The following ABLIM2 variants were observed in gnomAD, a reference collection of about 807,000 sequenced individuals.
ABLIM2 encodes the protein actin binding LIM protein family member 2.
In ABLIM2, 53 loss-of-function variants were observed where a neutral mutation model predicts 97.7. The observed-to-expected ratio is 0.54, with a 90% CI of 0.44 to 0.68. The LOEUF is 0.68. Ranked by LOEUF, ABLIM2 falls within the 30% of genes least tolerant of loss-of-function variation. The pLI, the probability that ABLIM2 is intolerant of heterozygous loss-of-function variation, is 0.00. For synonymous variants in ABLIM2, 361 were observed against 345.8 expected, an observed-to-expected ratio of 1.04 and a Z score of -0.49; for missense variants, 835 against 867.2, an observed-to-expected ratio of 0.96 and a Z score of 0.47.
At chr4:8,110,346 C>A (rs1219279955) in intron 1 of ABLIM2, among the ~76,000 whole-genome samples, 1 of 152,194 alleles carries the variant, frequency 6.6e-6, no homozygotes, top group Non-Finnish European at 1.5e-5. Context: ...TCCCGGGGGA[C>A]AGCGCGGGTG....
rs1189299218 is a variant in ABLIM2 at position 8,112,725 on chromosome 4, T to C, written c.11-6088A>G. Among the ~76,000 whole-genome samples, 2 of 152,192 alleles carry C rather than the reference T, an allele frequency of 1.3e-5. No individual in the cohort carries two copies. Among genetic ancestry groups the C allele is most frequent in the Admixed American group, 6.5e-5 (1 of 15,284 alleles). ...CCTCGACATTCTCTTGTTTGTTCCA[T>C]ACCATGCCCCACAGGAATGGTCAGT... is the stretch of plus-strand genomic sequence containing the variant. On this transcript the variant is annotated intron_variant, in intron 1 of 20. Coordinates refer to ENST00000447017, the MANE Select transcript of ABLIM2 (RefSeq NM_001130083.2). This position sits in a 1 kb window ranked among gnomAD's most constrained non-coding sequence, Gnocchi z 4.2.
chr4:8,007,609 C>G lies in ABLIM2; in HGVS notation c.1618+450G>C, dbSNP rs1762268652. ...ACACCATCACTGTCTCTCTATGAAG[C>G]CTGAGGCTGTGCCTCGTTCAGGATG... On this transcript the variant is annotated intron_variant, in intron 16 of 20. Coordinates refer to ENST00000447017, the MANE Select transcript of ABLIM2 (RefSeq NM_001130083.2). 6.1e-6 allele frequency: 6 copies of G among 990,584 alleles called. No individual in the cohort carries two copies. In the Admixed American group the frequency reaches 2.4e-4, roughly 40 times the overall value. The allele number at this position is 990,584 out of a possible 1,614,324, so 61.4% of individuals were successfully genotyped here.
chr4:8,155,530 G>A lies in ABLIM2; in HGVS notation c.10+3150C>T, dbSNP rs575626931. ...CCTAAGAGCAGCATGGAAACAGAAG[G>A]CTGAGCCAGCCACAAGGCCGCCCTT... On this transcript the variant is annotated intron_variant, in intron 1 of 20. Transcript: ENST00000447017. The surrounding 1 kb of genome is among the most constrained non-coding windows in gnomAD (Gnocchi z 4.2). Among the ~76,000 whole-genome samples the A allele has an allele frequency of 3.5e-3, 528 of 152,230 alleles. 1 individual carries two copies. Among genetic ancestry groups the A allele is most frequent in the African/African-American group, 0.012 (499 of 41,526 alleles).
At position 8,069,205 on chromosome 4, in the gene ABLIM2, C is replaced by T. The variant is rs532883562; in HGVS notation, c.676-8151G>A. Among the ~76,000 whole-genome samples the T allele has an allele frequency of 1.3e-4, 20 of 152,388 alleles. No individual in the cohort carries two copies. In the South Asian group the frequency reaches 4.1e-3, roughly 32 times the overall value. On this transcript the variant is annotated intron_variant, in intron 6 of 20. Transcript: ENST00000447017. The surrounding 1 kb of genome is among the most constrained non-coding windows in gnomAD (Gnocchi z 4.2). ...CCCAGCGGCCTCATTCTCTGCTGTA[C>T]CCCGGCGTCCCCTCCAGCAGTGGCA...
At chr4:8,089,934 G>C (rs1235662496) in intron 3 of ABLIM2, among the ~76,000 whole-genome samples, 1 of 152,174 alleles carries the variant, frequency 6.6e-6, no homozygotes, top group Non-Finnish European at 1.5e-5. Flanking sequence ...GGGCCTGCCA[G>C]ATGGAGCTCC....
At chr4:8,070,954 T>C (rs543641523) in intron 6 of ABLIM2, among the ~76,000 whole-genome samples, 55 of 152,134 alleles carry the variant, frequency 3.6e-4, no homozygotes, top group Non-Finnish European at 7.5e-4. Context: ...AGGGTGGGGC[T>C]GGAAACAGGC....
chr4:7,970,043 T>C lies in ABLIM2; in HGVS notation c.1825-2940A>G, dbSNP rs115699126. On this transcript the variant is annotated intron_variant, in intron 20 of 20. Transcript: ENST00000447017. This position sits in a 1 kb window ranked among gnomAD's most constrained non-coding sequence, Gnocchi z 5.3. Reference sequence around the variant, plus strand: ...TACAAAATCACCATCTTCTGAATTATGGTGGAACAATCAAGACGGATGAGA... The same window carrying C: ...TACAAAATCACCATCTTCTGAATTACGGTGGAACAATCAAGACGGATGAGA... 4.0e-3 allele frequency among the ~76,000 whole-genome samples: 606 copies of C among 152,248 alleles called. 3 individuals carry two copies. Among genetic ancestry groups the C allele is most frequent in the African/African-American group, 0.014 (562 of 41,568 alleles).
chr4:8,109,940 G>T (rs1006195828), intron 1 of ABLIM2, among the ~76,000 whole-genome samples: 1 of 152,218 alleles, frequency 6.6e-6, no homozygotes, highest in East Asian at 1.9e-4. Context: ...TTTTGCCTGC[G>T]GAGTCATTGT....
rs1014968532 is a variant in ABLIM2, at chr4:8,130,637, G to A, written c.11-24000C>T. ...TTGACGGCACCCAGGGGAGCACAGG[G>A]TGATCTGACCTGGCCTGGAGGGAGC... On this transcript the variant is annotated intron_variant, in intron 1 of 20. Transcript: ENST00000447017. The surrounding 1 kb of genome is among the most constrained non-coding windows in gnomAD (Gnocchi z 4.2). Among the ~76,000 whole-genome samples the A allele has an allele frequency of 6.6e-6, 1 of 152,192 alleles. No individual in the cohort carries two copies. The highest frequency in any genetic ancestry group is 1.5e-5 in the Non-Finnish European group (1 of 68,024).
intron 18 of ABLIM2, 94 bp downstream of exon 18, chr4:7,984,745 G>A: frequency 7.3e-7 from 1 of 1,365,428 alleles, no homozygotes; most frequent in Non-Finnish European, 1.0e-6. Flanking sequence ...GCCTTCTGCA[G>A]GCTGCGGATG....
rs138944532 is a variant in ABLIM2, at chr4:8,005,908, T to A, written c.1618+2151A>T. Among the ~76,000 whole-genome samples the A allele has an allele frequency of 6.7e-3, 1,021 of 152,228 alleles. 13 individuals carry two copies. The highest frequency in any genetic ancestry group is 0.023 in the African/African-American group (964 of 41,546). On this transcript the variant is annotated intron_variant, in intron 16 of 20. Coordinates refer to ENST00000447017, the MANE Select transcript of ABLIM2 (RefSeq NM_001130083.2). This position sits in a 1 kb window ranked among gnomAD's most constrained non-coding sequence, Gnocchi z 4.9. ...AGAATCTCCCCGGGGAATTCATGAG[T>A]GCAGCACGGGCCATTGGAGTCCTGC...
At chr4:8,111,381 A>G (rs957967013) in intron 1 of ABLIM2, among the ~76,000 whole-genome samples, 8 of 152,242 alleles carry the variant, frequency 5.3e-5, no homozygotes, top group African/African-American at 1.9e-4. Context: ...TGCTCTGGGC[A>G]ATACTGTAAT....
chr4:7,993,592 C>T (rs992655070), intron 16 of ABLIM2, among the ~76,000 whole-genome samples: 1 of 152,012 alleles, frequency 6.6e-6, no homozygotes, highest in Non-Finnish European at 1.5e-5. Flanking sequence ...TGGGAGGATC[C>T]CTTGAGCCCA....
intron 11 of ABLIM2, among the ~76,000 whole-genome samples, chr4:8,028,960 C>T (rs1779139259): frequency 6.6e-6 from 1 of 152,230 alleles, no homozygotes; most frequent in South Asian, 2.1e-4. Flanking sequence ...AAGGAAGCAG[C>T]TTGGAAAAAT....
Position 8,127,514 on chromosome 4 carries a change from T to C in ABLIM2, c.11-20877A>G, listed in dbSNP as rs1308846870. ...ATGGAGCTCACGGCTCCCAGCCGGA[T>C]GGTCTGGGCAAAAGCGCAGTTTGGG... On this transcript the variant is annotated intron_variant, in intron 1 of 20. Coordinates refer to ENST00000447017, the MANE Select transcript of ABLIM2 (RefSeq NM_001130083.2). This position sits in a 1 kb window ranked among gnomAD's most constrained non-coding sequence, Gnocchi z 7.3. 2 of 1,289,582 alleles carry C rather than the reference T, an allele frequency of 1.6e-6. No homozygotes were observed. The highest frequency in any genetic ancestry group is 1.5e-5 in the African/African-American group (1 of 65,876). The allele number at this position is 1,289,582 out of a possible 1,614,324, so 79.9% of individuals were successfully genotyped here. A position where few individuals can be genotyped will look rare whatever the true frequency, so the allele number is the denominator to read the frequency against.
At chr4:8,143,388 G>A (rs1041484264) in intron 1 of ABLIM2, among the ~76,000 whole-genome samples, 3 of 152,144 alleles carry the variant, frequency 2.0e-5, no homozygotes, top group South Asian at 2.1e-4. Context: ...GGAGGACCAC[G>A]GTGCACAAAA....
In ABLIM2 at chr4:8,127,738, G is replaced by A. The variant is rs976679250; in HGVS notation, c.11-21101C>T. On this transcript the variant is annotated intron_variant, in intron 1 of 20. Coordinates refer to ENST00000447017, the MANE Select transcript of ABLIM2 (RefSeq NM_001130083.2). The surrounding 1 kb of genome is among the most constrained non-coding windows in gnomAD (Gnocchi z 7.3). ...AGCTGCCACCCTCTGCCCGGGGAGGGGCAGAGCCAAGCCCTTCCCGGCACA... is the reference window on the plus strand; with the variant it reads ...AGCTGCCACCCTCTGCCCGGGGAGGAGCAGAGCCAAGCCCTTCCCGGCACA... 1.0e-6 allele frequency: 1 copy of A among 983,692 alleles called. No individual in the cohort carries two copies. The highest frequency in any genetic ancestry group is 1.2e-6 in the Non-Finnish European group (1 of 828,518). The allele number at this position is 983,692 out of a possible 1,614,324, so 60.9% of individuals were successfully genotyped here. A position where few individuals can be genotyped will look rare whatever the true frequency, so the allele number is the denominator to read the frequency against.
At chr4:7,988,341 T>C (rs1435104142) in intron 17 of ABLIM2, among the ~76,000 whole-genome samples, 1 of 152,170 alleles carries the variant, frequency 6.6e-6, no homozygotes, top group African/African-American at 2.4e-5. Flanking sequence ...ACTTCTTACG[T>C]GCCTGTGGCT....
At chr4:8,057,873 CCACA>C (rs1800361075) in intron 7 of ABLIM2, among the ~76,000 whole-genome samples, 1 of 152,206 alleles carries the variant, frequency 6.6e-6, no homozygotes, top group Admixed American at 6.5e-5. Flanking sequence ...TCCCTGGAGG[CCACA>C]CAGAGGGTCT....
Sources: gnomAD v4.1 joint callset for allele counts (sites outside exome capture counted in the v4.1 genomes callset) on GRCh38, gnomAD v4.1.1 for gene constraint, Gnocchi (gnomAD v3.1) non-coding constraint, MANE v1.5 for transcripts, NCBI Gene and HGNC (gene_info 2026-07-23, HGNC 2026-07-21) for gene names.